The following ASIC2 variants were observed in gnomAD, a reference collection of about 807,000 sequenced individuals.
ASIC2 encodes the protein acid-sensing ion channel 2.
ASIC2 carries 25 observed loss-of-function variants against 57.3 expected under a neutral mutation model. The ratio of observed to expected loss-of-function variants is 0.44; its 90% confidence interval spans 0.32 to 0.61. ASIC2 has a LOEUF of 0.61. Among genes scored for constraint, ASIC2 ranks in the 20% least tolerant of loss-of-function variants. ASIC2 has a pLI of 0.06. For synonymous variants in ASIC2, 319 were observed against 307.5 expected (o/e 1.04, Z -0.39); for missense variants, 641 against 738.1 (o/e 0.87, Z 1.52).
chr17:33,739,989 A>G (rs1278850440), intron 1 of ASIC2, among the ~76,000 whole-genome samples: 2 of 142,644 alleles, frequency 1.4e-5, no homozygotes, highest in African/African-American at 3.0e-5. Flanking sequence ...GAAAGAAAAA[A>G]GAAAGAAAGA....
intron 1 of ASIC2, among the ~76,000 whole-genome samples, chr17:33,907,115 C>T (rs1915366360): frequency 6.6e-6 from 1 of 152,114 alleles, no homozygotes; most frequent in Non-Finnish European, 1.5e-5. Context: ...GAGTCAGGAT[C>T]TCAACCCAAT....
At chr17:33,463,843 C>A (rs770678204) in intron 1 of ASIC2, among the ~76,000 whole-genome samples, 3 of 152,224 alleles carry the variant, frequency 2.0e-5, no homozygotes, top group Non-Finnish European at 4.4e-5. Context: ...GAATGTGTCT[C>A]TCCCTCCTTC....
chr17:33,938,486 T>C (rs1279368798), intron 1 of ASIC2, among the ~76,000 whole-genome samples: 1 of 152,188 alleles, frequency 6.6e-6, no homozygotes, highest in Non-Finnish European at 1.5e-5. Context: ...TTCCCAGTAA[T>C]AATATCTGAG....
Position 34,033,322 on chromosome 17 carries a change from C to A in ASIC2, c.555+122656G>T, listed in dbSNP as rs1182871845. On this transcript the variant is annotated intron_variant, in intron 1 of 9. Transcript: ENST00000359872. ...AGATGTTCTTTGAAACCAACGAGAA[C>A]AAAAACACAACATACCAGAATCTCT... Among the ~76,000 whole-genome samples the A allele has an allele frequency of 3.9e-5, 6 of 152,170 alleles. No homozygotes were observed. The East Asian group carries it at 1.2e-3, about 29-fold the overall frequency.
At chr17:33,968,690 A>C (rs941401534) in intron 1 of ASIC2, among the ~76,000 whole-genome samples, 2 of 152,192 alleles carry the variant, frequency 1.3e-5, no homozygotes, top group Non-Finnish European at 2.9e-5. Context: ...GGAAGCGCCC[A>C]TCTGCCAGTG....
chr17:33,736,898 A>G (rs1204146074), intron 1 of ASIC2, among the ~76,000 whole-genome samples: 1 of 152,206 alleles, frequency 6.6e-6, no homozygotes, highest in Non-Finnish European at 1.5e-5. Flanking sequence ...GGCCAATTGC[A>G]TATGGATCTA....
At chr17:33,478,634 G>C (rs925544085) in intron 1 of ASIC2, among the ~76,000 whole-genome samples, 3 of 152,100 alleles carry the variant, frequency 2.0e-5, no homozygotes, top group Admixed American at 6.5e-5. Flanking sequence ...TGATTCCATG[G>C]GAGCCGTTTT....
In ASIC2 at chr17:33,634,554, C is replaced by T. The variant is rs549575848; in HGVS notation, c.555+521424G>A. On this transcript the variant is annotated intron_variant, in intron 1 of 9. Transcript: ENST00000359872. ...TTTTTGAGACAGAGTCTCACTCTGTCGCCCAGGCTGGAGTGCAGTAGTGCG... is the reference window on the plus strand; with the variant it reads ...TTTTTGAGACAGAGTCTCACTCTGTTGCCCAGGCTGGAGTGCAGTAGTGCG... Among the ~76,000 whole-genome samples, 10 of 138,522 alleles carry T rather than the reference C, an allele frequency of 7.2e-5. No individual in the cohort carries two copies. In the South Asian group the frequency reaches 1.6e-3, roughly 22 times the overall value. The allele number at this position is 138,522 out of a possible 152,430, so 90.9% of individuals were successfully genotyped here. A position where few individuals can be genotyped will look rare whatever the true frequency, so the allele number is the denominator to read the frequency against.
At chr17:33,286,823 G>C (rs1905216846) in intron 1 of ASIC2, among the ~76,000 whole-genome samples, 1 of 152,068 alleles carries the variant, frequency 6.6e-6, no homozygotes, top group South Asian at 2.1e-4. Context: ...AGCTCCCAAA[G>C]GGCATGTACC....
intron 1 of ASIC2, among the ~76,000 whole-genome samples, chr17:33,833,267 A>C (rs927730901): frequency 1.3e-5 from 2 of 152,188 alleles, no homozygotes; most frequent in African/African-American, 2.4e-5. Flanking sequence ...TGTTTCGTTT[A>C]CCATTGTATC....
chr17:33,614,751 G>A (rs1221094931), intron 1 of ASIC2, among the ~76,000 whole-genome samples: 1 of 152,196 alleles, frequency 6.6e-6, no homozygotes, highest in Admixed American at 6.5e-5. Context: ...ACACCCACAT[G>A]CACATACATA....
chr17:33,382,054 T>C (rs1180711225), intron 1 of ASIC2, among the ~76,000 whole-genome samples: 1 of 152,196 alleles, frequency 6.6e-6, no homozygotes, highest in East Asian at 1.9e-4. Context: ...TGGATCTCCC[T>C]GGTGCTGAAG....
chr17:33,114,907 C>T (rs528429961), intron 1 of ASIC2, among the ~76,000 whole-genome samples: 9 of 152,294 alleles, frequency 5.9e-5, no homozygotes, highest in East Asian at 3.9e-4. Flanking sequence ...GAGGGTCTAG[C>T]GGGGTGCTAA....
intron 1 of ASIC2, among the ~76,000 whole-genome samples, chr17:33,579,428 T>A (rs148203463): frequency 1.3e-5 from 2 of 151,956 alleles, no homozygotes; most frequent in Non-Finnish European, 2.9e-5. Flanking sequence ...CAAGGAGATA[T>A]AGACTAGGGC....
intron 1 of ASIC2, among the ~76,000 whole-genome samples, chr17:34,074,635 C>T (rs1240605779): frequency 6.6e-6 from 1 of 152,126 alleles, no homozygotes; most frequent in East Asian, 1.9e-4. Flanking sequence ...AGGTAATTTG[C>T]TTTAGCCCCT....
At chr17:33,056,920 A>T (rs576124671) in intron 3 of ASIC2, among the ~76,000 whole-genome samples, 1 of 152,298 alleles carries the variant, frequency 6.6e-6, no homozygotes, top group East Asian at 1.9e-4. Flanking sequence ...AGCCCAGGCC[A>T]CATTGTACTT....
intron 1 of ASIC2, among the ~76,000 whole-genome samples, chr17:33,420,285 G>A: frequency 6.6e-6 from 1 of 152,222 alleles, no homozygotes; most frequent in East Asian, 1.9e-4. Context: ...GAAATGTACT[G>A]TCCAGATGGA....
At chr17:34,023,924 C>T (rs1217264772) in intron 1 of ASIC2, among the ~76,000 whole-genome samples, 1 of 152,200 alleles carries the variant, frequency 6.6e-6, no homozygotes, top group Non-Finnish European at 1.5e-5. Flanking sequence ...TTTGTTATAA[C>T]TTACTGTATC....
At chr17:33,785,910 A>G (rs924402703) in intron 1 of ASIC2, among the ~76,000 whole-genome samples, 1 of 152,206 alleles carries the variant, frequency 6.6e-6, no homozygotes, top group Non-Finnish European at 1.5e-5. Context: ...GATCCCTTGA[A>G]CTGGAATCTG....
Sources: gnomAD v4.1 joint callset for allele counts (sites outside exome capture counted in the v4.1 genomes callset) on GRCh38, gnomAD v4.1.1 for gene constraint, MANE v1.5 for transcripts, NCBI Gene and HGNC (gene_info 2026-07-23, HGNC 2026-07-21) for gene names.